Variants in CCR10 observed in about 807,000 individuals in gnomAD.
CCR10 encodes C-C chemokine receptor type 10.
CCR10 carries 11 observed loss-of-function variants against 11.9 expected under a neutral mutation model. That is an observed-to-expected ratio of 0.92 (90% CI 0.58 to 1.53). CCR10 has a LOEUF of 1.53. CCR10 is among the 40% of genes most tolerant of loss of function. CCR10 has a pLI of 0.00. For missense variants in CCR10, 428 were observed against 496.6 expected, an observed-to-expected ratio of 0.86 and a Z score of 1.31; for synonymous variants, 224 against 245.4, an observed-to-expected ratio of 0.91 and a Z score of 0.81.
chr17:42,680,453 C>T lies in CCR10; in HGVS notation c.189G>A (p.Leu63=). ...ALGLAGNGLV[L]ATHLAARRAA... is the part of the protein sequence containing the mutation. ...CGCGTCGGGCTGCCAGGTGGGTGGC[C>T]AGGACCAGGCCATTGCCGGCCAGAC... Residue 63 remains leucine (L), a synonymous_variant, in exon 2 of 2, where the codon CTG becomes CTA. Transcript: ENST00000332438. The T allele has an allele frequency of 1.3e-6, 2 of 1,599,138 alleles. No individual in the cohort carries two copies. The highest frequency in any genetic ancestry group is 1.7e-6 in the Non-Finnish European group (2 of 1,173,132).
Position 42,680,381 on chromosome 17 carries a change from G to C in CCR10, c.261C>G (p.Ala87=). ...TSAHLLQLAL[A]DLLLALTLPF... is the part of the protein sequence containing the mutation. Reference sequence around the variant, plus strand: ...GCAGAGTCAGGGCCAGCAAGAGGTCGGCCAGGGCCAGCTGGAGCAGGTGGG... The same window carrying C: ...GCAGAGTCAGGGCCAGCAAGAGGTCCGCCAGGGCCAGCTGGAGCAGGTGGG... The change falls in exon 2 of 2, where the codon GCC becomes GCG. Residue 87 remains alanine, a synonymous_variant. Coordinates refer to ENST00000332438, the MANE Select transcript of CCR10 (RefSeq NM_016602.3). The C allele has an allele frequency of 6.4e-7, 1 of 1,557,116 alleles. No individual in the cohort carries two copies. Among genetic ancestry groups the C allele is most frequent in the Non-Finnish European group, 8.7e-7 (1 of 1,150,458 alleles).
intron 1 of CCR10, chr17:42,681,498 A>G: frequency 2.0e-6 from 1 of 510,630 alleles, no homozygotes; most frequent in Non-Finnish European, 3.5e-6. Context: ...CTCCAATACC[A>G]GCACACTGAA....
In CCR10 at chr17:42,679,949, GC is replaced by G; in HGVS notation, c.692del (p.Gly231AlafsTer64). The G allele has an allele frequency of 1.3e-6, 2 of 1,559,774 alleles. No homozygotes were observed. On this transcript the variant is annotated frameshift_variant, in exon 2 of 2. Coordinates refer to ENST00000332438, the MANE Select transcript of CCR10 (RefSeq NM_016602.3). LOFTEE classifies it high-confidence loss of function. ...GCCCCCTGGCGGCCAGCAGCGTGCGGCCCAGAAGCGCGTAGCAGGCTACCAT... is the reference window on the plus strand; with the variant it reads ...GCCCCCTGGCGGCCAGCAGCGTGCGGCCAGAAGCGCGTAGCAGGCTACCAT... ...GVMVACYALL[G>X]RTLLAARGPE...
In CCR10 at chr17:42,679,569, A is replaced by G. The variant is rs565216182; in HGVS notation, c.1073T>C (p.Leu358Pro). 45 of 1,473,128 alleles carry G rather than the reference A, an allele frequency of 3.1e-5. 2 individuals are homozygous for G. The South Asian group carries it at 6.3e-4, about 21-fold the overall frequency. 91.3% of individuals were successfully genotyped at this position (1,473,128 alleles called of 1,614,324 possible). A position where few individuals can be genotyped will look rare whatever the true frequency, so the allele number is the denominator to read the frequency against. ...SCSAPTETHS[L>P]SWDN ...TTCGCAGCCCTAGTTGTCCCAGGAG[A>G]GACTGTGGGTCTCCGTGGGAGCTGA... is the stretch of plus-strand genomic sequence containing the variant. The change falls in exon 2 of 2, where the codon CTC becomes CCC. Residue 358 changes from leucine (L) to proline (P), a missense_variant. Physicochemically the swap from Leu to Pro is moderately conservative, Grantham distance 98. Transcript: ENST00000332438.
In CCR10 at chr17:42,679,312, G is replaced by A. The variant is rs963160200; in HGVS notation, c.*241C>T. Reference sequence around the variant, plus strand: ...CTCAGAGAGCCAAGCGCGGGGCAGGGCGGGGGGTGGGGCGGGGGCGGGGTG... The same window carrying A: ...CTCAGAGAGCCAAGCGCGGGGCAGGACGGGGGGTGGGGCGGGGGCGGGGTG... On this transcript the variant is annotated 3_prime_UTR_variant, in exon 2 of 2. Transcript: ENST00000332438. 2 of 373,548 alleles carry A rather than the reference G, an allele frequency of 5.4e-6. No homozygotes were observed. The highest frequency in any genetic ancestry group is 2.1e-5 in the African/African-American group (1 of 48,028). The allele number at this position is 373,548 out of a possible 1,614,324, so 23.1% of individuals were successfully genotyped here.
rs2052901234 is a variant in CCR10, at chr17:42,679,456, GGTA to G, written c.*94_*96del. ...TCAATTTAATGTGGCAAGGCACAGA[GGTA>G]GTCCCTTTAGGTCCCTGCCTCTTTC... On this transcript the variant is annotated 3_prime_UTR_variant, in exon 2 of 2. Coordinates refer to ENST00000332438, the MANE Select transcript of CCR10 (RefSeq NM_016602.3). 1.3e-6 allele frequency: 1 copy of G among 760,002 alleles called. No homozygotes were observed. The highest frequency in any genetic ancestry group is 2.9e-5 in the Admixed American group (1 of 34,416). 47.1% of individuals were successfully genotyped at this position (760,002 alleles called of 1,614,324 possible).
Position 42,680,541 on chromosome 17 carries a change from G to A in CCR10, c.101C>T (p.Ala34Val). 1 of 1,611,146 alleles carries A rather than the reference G, an allele frequency of 6.2e-7. No homozygotes were observed. Among genetic ancestry groups the A allele is most frequent in the Non-Finnish European group, 8.5e-7 (1 of 1,178,828 alleles). ...GGCCCGGCTGAAGGCCTGGACATCG[G>A]CCTTGTAGCAAAGCTCCGGCAGTGG... is the stretch of plus-strand genomic sequence containing the variant. ...AEPLPELCYKADVQAFSRAFQ... is the reference protein window; with the variant it reads ...AEPLPELCYKVDVQAFSRAFQ... The change falls in exon 2 of 2, where the codon GCC becomes GTC. Residue 34 changes from alanine to valine, a missense_variant. Physicochemically the swap from Ala to Val is moderately conservative, Grantham distance 64. Coordinates refer to ENST00000332438, the MANE Select transcript of CCR10 (RefSeq NM_016602.3).
rs542327069 is a variant in CCR10, at chr17:42,679,493, C to A, written c.*60G>T. The stretch of plus-strand genomic sequence containing the variant: ...AGGTCCCTGCCTCTTTCTCAGTGTT[C>A]CCCCACCTACTCCCCTTTCCCACGA... On this transcript the variant is annotated 3_prime_UTR_variant, in exon 2 of 2. Transcript: ENST00000332438. 23 of 1,223,488 alleles carry A rather than the reference C, an allele frequency of 1.9e-5. No individual in the cohort carries two copies. The East Asian group carries it at 5.4e-4, about 29-fold the overall frequency. The allele number at this position is 1,223,488 out of a possible 1,614,324, so 75.8% of individuals were successfully genotyped here.
chr17:42,681,835 C>T lies in CCR10; in HGVS notation c.-12G>A. On this transcript the variant is annotated 5_prime_UTR_variant, in exon 1 of 2. The change creates a new upstream start codon in the 5' untranslated region. Coordinates refer to ENST00000332438, the MANE Select transcript of CCR10 (RefSeq NM_016602.3). ...GCCTCCGTCCCCATCTCTGGCTACA[C>T]AGGTTTCTGAGGTATAGCCACAGGG... 1.2e-6 allele frequency: 2 copies of T among 1,613,624 alleles called. No individual in the cohort carries two copies. The highest frequency in any genetic ancestry group is 2.2e-5 in the South Asian group (2 of 91,022).
rs1322636234 is a variant in CCR10 at position 42,680,020 on chromosome 17, C to T, written c.622G>A (p.Ala208Thr). 2 of 1,583,234 alleles carry T rather than the reference C, an allele frequency of 1.3e-6. No homozygotes were observed. The highest frequency in any genetic ancestry group is 3.6e-5 in the Admixed American group (2 of 55,862). Residue 208 changes from alanine to threonine, a missense_variant, in exon 2 of 2, where the codon GCC (alanine) becomes ACC (threonine). Transcript: ENST00000332438. ...GLTQTVKGASAVAQVALGFAL... is the reference protein window; with the variant it reads ...GLTQTVKGASTVAQVALGFAL... ...AAGCCCAGGGCCACCTGCGCCACGG[C>T]GCTCGCCCCCTTCACCGTCTGCGTG... is the stretch of plus-strand genomic sequence containing the variant.
Position 42,680,574 on chromosome 17 carries a change from G to GAGTATGC in CCR10, c.61_67dup (p.Ser23CysfsTer5), listed in dbSNP as rs1567967392. The GAGTATGC allele has an allele frequency of 1.3e-6, 2 of 1,598,350 alleles. No homozygotes were observed. The highest frequency in any genetic ancestry group is 3.4e-5 in the Admixed American group (2 of 58,002). On this transcript the variant is annotated frameshift_variant, in exon 2 of 2. Transcript: ENST00000332438. LOFTEE classifies it low-confidence loss of function (END_TRUNC). Reference sequence around the variant, plus strand: ...GCAAAGCTCCGGCAGTGGCTCAGCCGAGTATGCGTCCTCTTCATCCCCAGA... The same window carrying GAGTATGC: ...GCAAAGCTCCGGCAGTGGCTCAGCCGAGTATGCAGTATGCGTCCTCTTCATCCCCAGA...
Position 42,680,587 on chromosome 17 carries a change from C to A in CCR10, c.55G>T (p.Glu19Ter). 1 of 1,581,238 alleles carries A rather than the reference C, an allele frequency of 6.3e-7. No homozygotes were observed. The highest frequency in any genetic ancestry group is 8.6e-7 in the Non-Finnish European group (1 of 1,161,916). ...AGTGGCTCAGCCGAGTATGCGTCCT[C>A]TTCATCCCCAGAGTAATGGCCCCAG... ...VSWGHYSGDE[E>*]DAYSAEPLPE... Residue 19 changes from glutamate (E) to a stop codon, truncating the protein, a stop_gained, in exon 2 of 2, where the codon GAG becomes TAG. Coordinates refer to ENST00000332438, the MANE Select transcript of CCR10 (RefSeq NM_016602.3). LOFTEE classifies it low-confidence loss of function (END_TRUNC).
Position 42,679,978 on chromosome 17 carries a change from C to T in CCR10, c.664G>A (p.Val222Ile), listed in dbSNP as rs756396744. The change falls in exon 2 of 2, where the codon GTC (valine) becomes ATC (isoleucine). Residue 222 changes from valine to isoleucine, a missense_variant. Physicochemically the swap from Val to Ile is conservative, Grantham distance 29 (BLOSUM62 3). Transcript: ENST00000332438. ...AGAAGCGCGTAGCAGGCTACCATGA[C>T]GCCCAGCGGCAGCGCGAAGCCCAGG... Reference protein sequence around the residue: ...VALGFALPLGVMVACYALLGR... With the variant: ...VALGFALPLGIMVACYALLGR... The T allele has an allele frequency of 6.4e-6, 10 of 1,567,924 alleles. No individual in the cohort carries two copies. The South Asian group carries it at 8.0e-5, about 13-fold the overall frequency.
At position 42,679,520 on chromosome 17, in the gene CCR10, C is replaced by A; in HGVS notation, c.*33G>T. ...CCCACCTACTCCCCTTTCCCACGAC[C>A]CTCAGCCTGCCCCCTCCTCTAGATT... On this transcript the variant is annotated 3_prime_UTR_variant, in exon 2 of 2. Coordinates refer to ENST00000332438, the MANE Select transcript of CCR10 (RefSeq NM_016602.3). 2 of 1,420,584 alleles carry A rather than the reference C, an allele frequency of 1.4e-6. No individual in the cohort carries two copies. The highest frequency in any genetic ancestry group is 5.2e-5 in the East Asian group (2 of 38,154). The allele number at this position is 1,420,584 out of a possible 1,614,324, so 88.0% of individuals were successfully genotyped here. A position where few individuals can be genotyped will look rare whatever the true frequency, so the allele number is the denominator to read the frequency against.
At chr17:42,681,525 G>T (rs2052932925) in intron 1 of CCR10, 4 of 557,948 alleles carry the variant, frequency 7.2e-6, no homozygotes, top group Admixed American at 3.2e-5. Flanking sequence ...ATGCCAAGGG[G>T]GTCTCCAGGG....
intron 1 of CCR10, chr17:42,681,482 C>T (rs1253104267): frequency 2.1e-6 from 1 of 476,274 alleles, no homozygotes; most frequent in African/African-American, 2.0e-5. Flanking sequence ...CCCACCTTCC[C>T]TGTACCTCCA....
rs1479584708 is a variant in CCR10 at position 42,680,434 on chromosome 17, G to A, written c.208C>T (p.Arg70Ter). ...GLVLATHLAA[R>*]RAARSPTSAH... ...GAGGTGGGCGAGCGCGCTGCGCGTC[G>A]GGCTGCCAGGTGGGTGGCCAGGACC... Residue 70 changes from arginine (R) to a stop codon, truncating the protein, a stop_gained, in exon 2 of 2, where the codon CGA (arginine) becomes TGA (stop). Transcript: ENST00000332438. LOFTEE classifies it low-confidence loss of function (END_TRUNC). The A allele has an allele frequency of 1.3e-6, 2 of 1,585,172 alleles. No homozygotes were observed. The highest frequency in any genetic ancestry group is 2.3e-5 in the East Asian group (1 of 43,032).
chr17:42,680,038 T>A lies in CCR10; in HGVS notation c.604A>T (p.Thr202Ser), dbSNP rs1480341520. ...GCCACGGCGCTCGCCCCCTTCACCG[T>A]CTGCGTGAGGCCCTCGGGGAAGATG... ...RLIFPEGLTQTVKGASAVAQV... is the reference protein window; with the variant it reads ...RLIFPEGLTQSVKGASAVAQV... Residue 202 changes from threonine to serine, a missense_variant, in exon 2 of 2, where the codon ACG becomes TCG. Transcript: ENST00000332438. The A allele has an allele frequency of 6.3e-7, 1 of 1,593,608 alleles. No individual in the cohort carries two copies. Among genetic ancestry groups the A allele is most frequent in the Non-Finnish European group, 8.5e-7 (1 of 1,174,220 alleles).
chr17:42,679,856 G>A lies in CCR10; in HGVS notation c.786C>T (p.Pro262=). ...TATCCAGCAGCAGGGCGAGGCTGTA[G>A]GGCAGCTGCAGCACCACGAAGGCCG... ...LVAAFVVLQL[P]YSLALLLDTA... is the part of the protein sequence containing the mutation. The change falls in exon 2 of 2, where the codon CCC becomes CCT. Residue 262 remains proline (P), a synonymous_variant. Coordinates refer to ENST00000332438, the MANE Select transcript of CCR10 (RefSeq NM_016602.3). 1 of 1,602,694 alleles carries A rather than the reference G, an allele frequency of 6.2e-7. No individual in the cohort carries two copies. The highest frequency in any genetic ancestry group is 8.5e-7 in the Non-Finnish European group (1 of 1,177,146).
Sources: allele counts gnomAD v4.1 joint callset, GRCh38; gene constraint gnomAD v4.1.1; transcripts MANE v1.5; gene names NCBI Gene and HGNC (gene_info 2026-07-23, HGNC 2026-07-21).